Variants in FANCD2OS observed in about 807,000 individuals in gnomAD.
FANCD2OS encodes FANCD2 opposite strand protein.
In FANCD2OS, 11 loss-of-function variants were observed where a neutral mutation model predicts 13.2. That is an observed-to-expected ratio of 0.83 (90% CI 0.52 to 1.38). FANCD2OS has a LOEUF of 1.38. Among genes scored for constraint, FANCD2OS ranks in the 40% most tolerant of loss-of-function variants. The pLI is 0.00. For synonymous variants in FANCD2OS, 69 were observed against 84.5 expected (o/e 0.82, Z 1.01); for missense variants, 217 against 213.9 (o/e 1.01, Z -0.09).
At chr3:10,098,663 T>C, downstream of FANCD2OS, 1 of 1,596,194 alleles carries the variant, frequency 6.3e-7, no homozygotes, top group East Asian at 2.3e-5. Flanking sequence ...CCTTCTCCCC[T>C]ATTACCCTAA....
chr3:10,092,379 C>A, intron 2 of FANCD2OS: 1 of 796,258 alleles, frequency 1.3e-6, no homozygotes, highest in Non-Finnish European at 2.2e-6. Context: ...CCTGAGTCGT[C>A]TTCTTCCTTT....
At chr3:10,086,995 C>G (rs1038643193) in intron 2 of FANCD2OS, 11 of 938,386 alleles carry the variant, frequency 1.2e-5, no homozygotes, top group Non-Finnish European at 1.9e-5. Flanking sequence ...AGGGTTGCTA[C>G]TAAAGCACCT....
rs2125069514 is a variant in FANCD2OS at position 10,085,876 on chromosome 3, C to T, written c.*44-4345G>A. 1.9e-6 allele frequency: 3 copies of T among 1,613,614 alleles called. No individual in the cohort carries two copies. Among genetic ancestry groups the T allele is most frequent in the Non-Finnish European group, 2.5e-6 (3 of 1,179,696 alleles). ...TTCAGCCCTCCATGTCCTTAGTAGCCGACTGAAACAGGGAGAACACAGCCA... is the reference window on the plus strand; with the variant it reads ...TTCAGCCCTCCATGTCCTTAGTAGCTGACTGAAACAGGGAGAACACAGCCA... On this transcript the variant is annotated intron_variant, in intron 2 of 2. Transcript: ENST00000524279.
chr3:10,089,655 A>C (rs995261784), intron 2 of FANCD2OS, among the ~76,000 whole-genome samples: 9 of 152,080 alleles, frequency 5.9e-5, no homozygotes, highest in Non-Finnish European at 8.8e-5. Context: ...TTTTTAGTAG[A>C]GATTGGGTTT....
At chr3:10,094,444 C>A in intron 2 of FANCD2OS, 1 of 1,229,002 alleles carries the variant, frequency 8.1e-7, no homozygotes, top group Non-Finnish European at 1.2e-6. Context: ...CTGGGTGGGG[C>A]TGGGAGTGTT....
At position 10,088,950 on chromosome 3, in the gene FANCD2OS, G is replaced by C. The variant is rs769935037; in HGVS notation, c.*44-7419C>G. ...TCCTCCACATTCCCTACACTGACCA[G>C]GTAAGGGAGTTCTTTCCTCCAGTTT... On this transcript the variant is annotated intron_variant, in intron 2 of 2. Transcript: ENST00000524279. 4 of 1,614,032 alleles carry C rather than the reference G, an allele frequency of 2.5e-6. No individual in the cohort carries two copies. The East Asian group carries it at 8.9e-5, about 36-fold the overall frequency.
In FANCD2OS at chr3:10,107,996, C is replaced by T. The variant is rs536651892; in HGVS notation, c.-9+19G>A. On this transcript the variant is annotated intron_variant, in intron 1 of 1. Coordinates refer to ENST00000450660, the MANE Select transcript of FANCD2OS (RefSeq NM_001164839.2). ...CCCCACTTCCCATTCCAAGGAACCC[C>T]ATCTCTTGATTTCCCCACCTGGGAA... 6.6e-6 allele frequency: 1 copy of T among 152,502 alleles called. No individual in the cohort carries two copies. The highest frequency in any genetic ancestry group is 1.9e-4 in the East Asian group (1 of 5,178). 9.4% of individuals were successfully genotyped at this position (152,502 alleles called of 1,614,324 possible).
At chr3:10,091,925 G>T (rs1184424176) in intron 2 of FANCD2OS, among the ~76,000 whole-genome samples, 2 of 152,188 alleles carry the variant, frequency 1.3e-5, no homozygotes, top group South Asian at 2.1e-4. Flanking sequence ...AGTATATGTT[G>T]CAAAGGCTTT....
intron 2 of FANCD2OS, chr3:10,087,284 T>C (rs76702750): frequency 1.7e-6 from 2 of 1,181,226 alleles, no homozygotes; most frequent in Non-Finnish European, 2.3e-6. Context: ...CTAGATCCTT[T>C]TTTTTTTTTT....
intron 2 of FANCD2OS, chr3:10,093,165 C>A: frequency 1.3e-6 from 1 of 746,000 alleles, no homozygotes; most frequent in Non-Finnish European, 2.4e-6. Context: ...TAAATGTTGA[C>A]ATTCCTCCAT....
downstream of FANCD2OS, chr3:10,098,679 A>T (rs1365024975): frequency 3.1e-6 from 5 of 1,610,644 alleles, no homozygotes; most frequent in African/African-American, 6.7e-5. Context: ...CCTAAATGTG[A>T]TCATTATAAC....
chr3:10,083,226 CAAAAA>C (rs949468343), intron 2 of FANCD2OS, among the ~76,000 whole-genome samples: 1 of 132,458 alleles, frequency 7.5e-6, no homozygotes, highest in South Asian at 2.3e-4. Context: ...GACCCCATCT[CAAAAA>C]AAAAAAAATC....
chr3:10,094,898 A>G, intron 2 of FANCD2OS: 2 of 427,168 alleles, frequency 4.7e-6, no homozygotes, highest in South Asian at 4.6e-5. Context: ...GCCCTGAAAG[A>G]GAAAGGGAAG....
In FANCD2OS at chr3:10,104,449, G is replaced by A. The variant is rs1695411018; in HGVS notation, c.326C>T (p.Ala109Val). The part of the protein sequence containing the change: ...VDSVFGRVIT[A>V]QPPKWTGTFR... ...AGTCCCGGTCCACTTTGGTGGCTGA[G>A]CTGTGATAACCCTGCCAAAGACAGA... Residue 109 changes from alanine to valine, a missense_variant, in exon 2 of 2, where the codon GCT becomes GTT. Coordinates refer to ENST00000450660, the MANE Select transcript of FANCD2OS (RefSeq NM_001164839.2). 6.2e-7 allele frequency: 1 copy of A among 1,614,084 alleles called. No individual in the cohort carries two copies. Among genetic ancestry groups the A allele is most frequent in the African/African-American group, 1.3e-5 (1 of 74,926 alleles).
chr3:10,083,936 A>T (rs2125065394), intron 2 of FANCD2OS, among the ~76,000 whole-genome samples: 1 of 151,038 alleles, frequency 6.6e-6, no homozygotes, highest in African/African-American at 2.4e-5. Context: ...TGGTACAGGA[A>T]TATTTTGAGC....
intron 1 of FANCD2OS, 75 bp from the exon 2 acceptor site, chr3:10,104,857 C>G (rs1166310811): frequency 1.5e-6 from 2 of 1,314,714 alleles, no homozygotes; most frequent in African/African-American, 1.5e-5. Context: ...AAATTCCCAT[C>G]TCTGTCTCAC....
Position 10,093,300 on chromosome 3 carries a change from C to T in FANCD2OS, c.*43+10898G>A, listed in dbSNP as rs781605384. On this transcript the variant is annotated intron_variant, in intron 2 of 2. Transcript: ENST00000524279. ...ACCTCTCCAGGTATTTGATAGTCAT[C>T]CTGTTCTGCATGTATGTTTGAAGGT... 5.6e-6 allele frequency: 9 copies of T among 1,613,528 alleles called. No individual in the cohort carries two copies. The highest frequency in any genetic ancestry group is 7.6e-6 in the Non-Finnish European group (9 of 1,179,472).
intron 2 of FANCD2OS, among the ~76,000 whole-genome samples, chr3:10,082,495 T>C (rs1306093736): frequency 3.3e-5 from 5 of 152,160 alleles, no homozygotes; most frequent in Non-Finnish European, 7.3e-5. Flanking sequence ...GAGTTAAAAC[T>C]CTCTTACCTA....
downstream of FANCD2OS, chr3:10,098,992 A>C (rs375632206): frequency 6.2e-7 from 1 of 1,613,810 alleles, no homozygotes; most frequent in Non-Finnish European, 8.5e-7. Flanking sequence ...CAGAAGAAAC[A>C]ACGACACAAT....
Sources: allele counts gnomAD v4.1 joint callset (sites outside exome capture counted in the v4.1 genomes callset), GRCh38; gene constraint gnomAD v4.1.1; transcripts MANE v1.5; gene names NCBI Gene and HGNC (gene_info 2026-07-23, HGNC 2026-07-21).